Variants in TXNDC16 observed in about 807,000 individuals in gnomAD.
The protein encoded by TXNDC16 is thioredoxin domain containing 16.
TXNDC16 carries 74 observed loss-of-function variants against 85.6 expected under a neutral mutation model. The ratio of observed to expected loss-of-function variants is 0.86; its 90% CI spans 0.72 to 1.05. The LOEUF is 1.05. TXNDC16 is among the 50% of genes least tolerant of loss of function. The probability of loss-of-function intolerance (pLI) is 0.00; values close to 1 mark genes in which losing one functional copy is unlikely to be tolerated. For missense variants in TXNDC16, 959 were observed against 947.0 expected, an observed-to-expected ratio of 1.01 and a Z score of -0.17; for synonymous variants, 335 against 326.5, an observed-to-expected ratio of 1.03 and a Z score of -0.28.
intron 20 of TXNDC16, among the ~76,000 whole-genome samples, chr14:52,436,617 A>G (rs1005312677): frequency 2.0e-5 from 3 of 152,182 alleles, no homozygotes; most frequent in African/African-American, 7.2e-5. Flanking sequence ...TTTAAGCATA[A>G]TATGTTTGTT....
At chr14:52,440,848 T>G in intron 18 of TXNDC16, 124 bp from the exon 19 acceptor site, 1 of 846,076 alleles carries the variant, frequency 1.2e-6, no homozygotes, top group Non-Finnish European at 1.8e-6. Flanking sequence ...ACATTTTCAC[T>G]TAAGTAGAGA....
chr14:52,457,747 A>G (rs1366255113), intron 16 of TXNDC16, among the ~76,000 whole-genome samples: 3 of 152,194 alleles, frequency 2.0e-5, no homozygotes, highest in African/African-American at 7.2e-5. Context: ...ATTAATTTGT[A>G]TTGTCTTTTC....
chr14:52,551,019 G>A (rs1028404554), intron 1 of TXNDC16, among the ~76,000 whole-genome samples: 3 of 152,044 alleles, frequency 2.0e-5, no homozygotes, highest in Admixed American at 6.6e-5. Flanking sequence ...AGAGCAAGCC[G>A]TACCCTCTCA....
At chr14:52,440,289 A>G (rs1221493837) in intron 19 of TXNDC16, among the ~76,000 whole-genome samples, 2 of 152,186 alleles carry the variant, frequency 1.3e-5, no homozygotes, top group African/African-American at 4.8e-5. Flanking sequence ...AATGTTTACT[A>G]TTCTGTATTT....
chr14:52,444,734 A>T (rs1222535652), intron 18 of TXNDC16, among the ~76,000 whole-genome samples: 2 of 152,180 alleles, frequency 1.3e-5, no homozygotes, highest in East Asian at 3.8e-4. Context: ...AAAGAGTAAA[A>T]TGATACAAAT....
chr14:52,533,391 T>C (rs1212818685), intron 6 of TXNDC16, among the ~76,000 whole-genome samples: 1 of 152,128 alleles, frequency 6.6e-6, no homozygotes, highest in African/African-American at 2.4e-5. Context: ...AATCCCCCCT[T>C]TGCTGTATCT....
Position 52,488,611 on chromosome 14 carries a change from G to A in TXNDC16, c.985-125C>T, listed in dbSNP as rs144018668. 2.8e-3 allele frequency: 1,874 copies of A among 666,638 alleles called. 4 individuals carry two copies. Among genetic ancestry groups the A allele is most frequent in the African/African-American group, 5.3e-3 (283 of 53,804 alleles). 41.3% of individuals were successfully genotyped at this position (666,638 alleles called of 1,614,324 possible). A position where few individuals can be genotyped will look rare whatever the true frequency, so the allele number is the denominator to read the frequency against. On this transcript the variant is annotated intron_variant, in intron 11 of 20. Transcript: ENST00000281741. ...AGCACTTTGGGAGGTCGAGGCAGGC[G>A]GATCATCTGAGGTCAGTAGTTCGAG...
At chr14:52,516,617 C>T (rs1351703402) in intron 7 of TXNDC16, among the ~76,000 whole-genome samples, 1 of 152,192 alleles carries the variant, frequency 6.6e-6, no homozygotes, top group African/African-American at 2.4e-5. Context: ...TCCTTTCCAT[C>T]TGGCAGCTCA....
rs28673049 is a variant in TXNDC16 at position 52,457,858 on chromosome 14, A to T, written c.1619-684T>A. On this transcript the variant is annotated intron_variant, in intron 16 of 20. Coordinates refer to ENST00000281741, the MANE Select transcript of TXNDC16 (RefSeq NM_020784.3). Reference sequence around the variant, plus strand: ...CATACTGTGGATCTTGTTAATAATGACTATCCTATAACCAAGAAGCAAGTC... The same window carrying T: ...CATACTGTGGATCTTGTTAATAATGTCTATCCTATAACCAAGAAGCAAGTC... 1.2e-3 allele frequency among the ~76,000 whole-genome samples: 185 copies of T among 152,328 alleles called. 1 individual carries two copies. Among genetic ancestry groups the T allele is most frequent in the African/African-American group, 4.1e-3 (170 of 41,574 alleles).
chr14:52,474,835 C>T (rs963304656), intron 14 of TXNDC16, among the ~76,000 whole-genome samples: 4 of 151,996 alleles, frequency 2.6e-5, no homozygotes, highest in African/African-American at 4.8e-5. Flanking sequence ...ATAAAAGGAA[C>T]GGGGACAGAC....
At chr14:52,480,281 A>C (rs2036115288) in intron 14 of TXNDC16, among the ~76,000 whole-genome samples, 1 of 152,098 alleles carries the variant, frequency 6.6e-6, no homozygotes, top group Non-Finnish European at 1.5e-5. Flanking sequence ...ATGACCAAGG[A>C]CCCAAAAGCA....
At chr14:52,481,528 A>G (rs1004444955) in intron 14 of TXNDC16, among the ~76,000 whole-genome samples, 4 of 152,224 alleles carry the variant, frequency 2.6e-5, no homozygotes, top group African/African-American at 7.2e-5. Context: ...TGAAAACCAG[A>G]TATTCTGCAA....
At chr14:52,455,490 A>G (rs758272430) in intron 17 of TXNDC16, 28 bp from the exon 18 acceptor site, 2 of 1,612,078 alleles carry the variant, frequency 1.2e-6, no homozygotes, top group Non-Finnish European at 1.7e-6. Flanking sequence ...ATTAAAATTC[A>G]CGATCAAAAT....
At chr14:52,491,173 C>T (rs1039605908) in intron 9 of TXNDC16, among the ~76,000 whole-genome samples, 168 bp from the exon 10 acceptor site, 2 of 151,792 alleles carry the variant, frequency 1.3e-5, no homozygotes, top group Non-Finnish European at 2.9e-5. Context: ...TCCCAATGCA[C>T]CTATATAGTT....
chr14:52,524,245 T>C (rs1239166668), intron 6 of TXNDC16, among the ~76,000 whole-genome samples: 1 of 152,222 alleles, frequency 6.6e-6, no homozygotes, highest in Non-Finnish European at 1.5e-5. Flanking sequence ...CGCTCTGCAA[T>C]AATGTGTTAA....
chr14:52,468,946 T>C (rs1303385791), intron 16 of TXNDC16, among the ~76,000 whole-genome samples: 1 of 151,914 alleles, frequency 6.6e-6, no homozygotes, highest in Non-Finnish European at 1.5e-5. Flanking sequence ...CGTTATTCTA[T>C]TGGGAACCTA....
intron 18 of TXNDC16, among the ~76,000 whole-genome samples, chr14:52,450,690 A>G (rs546033142): frequency 6.6e-6 from 1 of 152,160 alleles, no homozygotes; most frequent in Admixed American, 6.5e-5. Context: ...ACCACTATGG[A>G]AAACAGTTGG....
intron 20 of TXNDC16, among the ~76,000 whole-genome samples, chr14:52,438,178 A>G (rs1282830258): frequency 6.6e-6 from 1 of 152,226 alleles, no homozygotes; most frequent in Non-Finnish European, 1.5e-5. Flanking sequence ...ACAGCAATGG[A>G]TTTAGAATAT....
In TXNDC16 at chr14:52,549,170, G is replaced by A. The variant is rs576764329; in HGVS notation, c.-182+3146C>T. ...ACTTTGATCCTTTGGGCTGCGAGAG[G>A]CCCTCAATTCTTCAGTATAATGGTC... On this transcript the variant is annotated intron_variant, in intron 1 of 20. Coordinates refer to ENST00000281741, the MANE Select transcript of TXNDC16 (RefSeq NM_020784.3). 5.3e-5 allele frequency among the ~76,000 whole-genome samples: 8 copies of A among 152,310 alleles called. No homozygotes were observed. The East Asian group carries it at 1.5e-3, about 29-fold the overall frequency.
Sources: gnomAD v4.1 joint callset for allele counts (sites outside exome capture counted in the v4.1 genomes callset) on GRCh38, gnomAD v4.1.1 for gene constraint, MANE v1.5 for transcripts, NCBI Gene and HGNC (gene_info 2026-07-23, HGNC 2026-07-21) for gene names.